LYRM4: variants seen among roughly 807,000 people sequenced by gnomAD.
LYRM4 encodes the protein LYR motif-containing protein 4.
A neutral mutation model predicts 11.7 loss-of-function variants in LYRM4; 9 were observed. The observed-to-expected ratio is 0.77, with a 90% CI of 0.46 to 1.34. The LOEUF (loss-of-function observed/expected upper bound fraction) is 1.34, where lower values mean the gene tolerates loss of function less well. Among genes scored for constraint, LYRM4 ranks in the 40% most tolerant of loss-of-function variants. The probability of loss-of-function intolerance (pLI) is 0.00; values close to 1 mark genes in which losing one functional copy is unlikely to be tolerated. For missense variants in LYRM4, 133 were observed against 112.5 expected (o/e 1.18, Z -0.82); for synonymous variants, 42 against 40.4 (o/e 1.04, Z -0.15).
rs145458724 is a variant in LYRM4 at position 5,246,214 on chromosome 6, A to G, written c.86+14434T>C. On this transcript the variant is annotated intron_variant, in intron 1 of 2. Coordinates refer to ENST00000330636, the MANE Select transcript of LYRM4 (RefSeq NM_020408.6). ...TGAAGGTCTACAGCCGTGTGGCACTATTAAGAAAATGCAAGAAGTTGGATT... is the reference window on the plus strand; with the variant it reads ...TGAAGGTCTACAGCCGTGTGGCACTGTTAAGAAAATGCAAGAAGTTGGATT... Among the ~76,000 whole-genome samples the G allele has an allele frequency of 8.1e-3, 1,236 of 152,328 alleles. 5 individuals are homozygous for G. The highest frequency in any genetic ancestry group is 0.041 in the Middle Eastern group (12 of 294).
At chr6:5,170,909 T>C (rs890389058) in intron 2 of LYRM4, among the ~76,000 whole-genome samples, 2 of 152,170 alleles carry the variant, frequency 1.3e-5, no homozygotes, top group African/African-American at 4.8e-5. Context: ...CCATTAGGGG[T>C]TGGCTCAACA....
At chr6:5,181,820 T>C (rs943358294) in intron 2 of LYRM4, among the ~76,000 whole-genome samples, 1 of 152,282 alleles carries the variant, frequency 6.6e-6, no homozygotes, top group South Asian at 2.1e-4. Flanking sequence ...CCAGATGACT[T>C]CCAAACTCAG....
chr6:5,042,229 A>AT, the LYRM4 span, among the ~76,000 whole-genome samples: 1 of 152,166 alleles, frequency 6.6e-6, no homozygotes, highest in African/African-American at 2.4e-5. Context: ...CAAGTTGATT[A>AT]TTTTATTGTA....
chr6:5,082,358 C>G, the LYRM4 span, among the ~76,000 whole-genome samples: 3 of 152,170 alleles, frequency 2.0e-5, no homozygotes, highest in African/African-American at 4.8e-5. Context: ...ACCAGAGAAG[C>G]TCAACCTGGT....
At chr6:5,063,704 G>C in the LYRM4 span, among the ~76,000 whole-genome samples, 6 of 152,122 alleles carry the variant, frequency 3.9e-5, no homozygotes, top group African/African-American at 1.4e-4. Context: ...TCACATGTGG[G>C]TGCCACCGTG....
rs558149592 is a variant in LYRM4 at position 5,162,429 on chromosome 6, T to C, written c.208-52938A>G. Among the ~76,000 whole-genome samples the C allele has an allele frequency of 4.6e-5, 7 of 152,088 alleles. No individual in the cohort carries two copies. In the East Asian group the frequency reaches 1.2e-3, roughly 25 times the overall value. On this transcript the variant is annotated intron_variant, in intron 2 of 2. Transcript: ENST00000330636. ...GGATGACACTACTGACCCTCGACAG[T>C]GAGCCTGATGTGGCCCTGGGTCAGG...
the LYRM4 span, among the ~76,000 whole-genome samples, chr6:5,098,352 C>A: frequency 6.6e-6 from 1 of 152,222 alleles, no homozygotes. Context: ...TAGGGCCAGG[C>A]TGCCTTTGGC....
chr6:5,057,046 T>G, the LYRM4 span, among the ~76,000 whole-genome samples: 1 of 152,260 alleles, frequency 6.6e-6, no homozygotes, highest in East Asian at 1.9e-4. Flanking sequence ...TTTATTGGTT[T>G]ATCTAGGATA....
At chr6:5,113,734 T>C (rs1313580831) in intron 2 of LYRM4, among the ~76,000 whole-genome samples, 75 of 42,112 alleles carry the variant, frequency 1.8e-3, no homozygotes, top group Non-Finnish European at 8.8e-5. Context: ...TTTCTCTCTC[T>C]CTTTTTTTTT....
chr6:5,214,119 C>G (rs139340898), intron 2 of LYRM4, among the ~76,000 whole-genome samples: 4 of 152,056 alleles, frequency 2.6e-5, no homozygotes. Flanking sequence ...TGGCCCCTGC[C>G]GTCTTGCAGA....
At chr6:5,190,678 C>T (rs1054298995) in intron 2 of LYRM4, among the ~76,000 whole-genome samples, 3 of 152,028 alleles carry the variant, frequency 2.0e-5, no homozygotes, top group East Asian at 1.9e-4. Flanking sequence ...GTAACTCTGC[C>T]GTTGTTAACA....
At chr6:5,120,563 G>C (rs112066775) in intron 2 of LYRM4, among the ~76,000 whole-genome samples, 5 of 152,190 alleles carry the variant, frequency 3.3e-5, no homozygotes, top group Non-Finnish European at 7.4e-5. Flanking sequence ...GACGCCAGTG[G>C]GTTGCTGCTG....
chr6:5,081,073 G>A, the LYRM4 span, among the ~76,000 whole-genome samples: 8 of 149,128 alleles, frequency 5.4e-5, no homozygotes, highest in South Asian at 4.2e-4. Flanking sequence ...CTGAATGCCC[G>A]GAGTAAATAT....
chr6:5,126,389 G>C (rs1268667515), intron 2 of LYRM4, among the ~76,000 whole-genome samples: 1 of 152,198 alleles, frequency 6.6e-6, no homozygotes, highest in Non-Finnish European at 1.5e-5. Context: ...GAAATGCTCA[G>C]GTATTTGAAG....
At chr6:5,114,316 C>T (rs565039018) in intron 2 of LYRM4, among the ~76,000 whole-genome samples, 9 of 152,334 alleles carry the variant, frequency 5.9e-5, no homozygotes, top group South Asian at 4.1e-4. Flanking sequence ...CAGCTCTGGA[C>T]GCCTTATTGC....
At chr6:5,117,922 C>T (rs1426318757) in intron 2 of LYRM4, among the ~76,000 whole-genome samples, 7 of 151,844 alleles carry the variant, frequency 4.6e-5, no homozygotes, top group Non-Finnish European at 7.4e-5. Flanking sequence ...AACCCTGACC[C>T]TCCAAAACGA....
chr6:5,077,027 C>G, the LYRM4 span, among the ~76,000 whole-genome samples: 2 of 152,194 alleles, frequency 1.3e-5, no homozygotes, highest in Non-Finnish European at 2.9e-5. Flanking sequence ...GAAGGCTCCC[C>G]CTACCACATC....
intron 1 of LYRM4, among the ~76,000 whole-genome samples, chr6:5,228,220 T>C (rs1257727417): frequency 1.3e-5 from 2 of 152,104 alleles, no homozygotes; most frequent in African/African-American, 4.8e-5. Flanking sequence ...CCTAAATTCA[T>C]GGAGGTAGTC....
the LYRM4 span, among the ~76,000 whole-genome samples, chr6:5,091,029 G>C: frequency 1.3e-5 from 2 of 152,078 alleles, no homozygotes; most frequent in Non-Finnish European, 2.9e-5. Context: ...AATCAAACTT[G>C]CATTTTTGGT....
Sources: allele counts gnomAD v4.1 joint callset (sites outside exome capture counted in the v4.1 genomes callset), GRCh38; gene constraint gnomAD v4.1.1; transcripts MANE v1.5; gene names NCBI Gene and HGNC (gene_info 2026-07-23, HGNC 2026-07-21).